Variants in KYAT3 observed in about 807,000 individuals in gnomAD.
KYAT3 encodes kynurenine--oxoglutarate transaminase 3.
Under a neutral mutation model 59.0 loss-of-function variants are expected in KYAT3, and 50 were observed. The observed-to-expected ratio is 0.85, with a 90% confidence interval of 0.68 to 1.07. The LOEUF is 1.07. KYAT3 is among the 50% of genes least tolerant of loss of function. The pLI, the probability that KYAT3 is intolerant of heterozygous loss-of-function variation, is 0.00. For synonymous variants in KYAT3, 148 were observed against 177.0 expected (o/e 0.84, Z 1.30); for missense variants, 497 against 533.3 (o/e 0.93, Z 0.67).
At chr1:88,989,254 A>C (rs1025636494) in intron 1 of KYAT3, among the ~76,000 whole-genome samples, 4 of 152,228 alleles carry the variant, frequency 2.6e-5, no homozygotes, top group Non-Finnish European at 5.9e-5. Flanking sequence ...AAACGCTAAC[A>C]AATCAAACCC....
chr1:88,949,383 AAGAAGTCACTCAGGAAATAAC>A, intron 10 of KYAT3, 106 bp from the exon 11 acceptor site: 1 of 745,090 alleles, frequency 1.3e-6, no homozygotes, highest in East Asian at 3.1e-5. Flanking sequence ...ATTATTGGCA[AAGAAGTCACTCAGGAAATAAC>A]AGTTGAATTC....
intron 8 of KYAT3, among the ~76,000 whole-genome samples, chr1:88,957,180 A>C (rs1445048837): frequency 1.3e-5 from 2 of 152,240 alleles, no homozygotes; most frequent in Non-Finnish European, 2.9e-5. Context: ...GAAAAGTTAT[A>C]ATTTTATTCT....
chr1:88,963,464 A>G (rs1676227077), intron 5 of KYAT3, among the ~76,000 whole-genome samples: 1 of 152,204 alleles, frequency 6.6e-6, no homozygotes, highest in Non-Finnish European at 1.5e-5. Flanking sequence ...CAAAGCAGAT[A>G]GTGGCATCTT....
Position 88,943,337 on chromosome 1 carries a change from C to A in KYAT3, c.1215+13G>T, listed in dbSNP as rs749544835. On this transcript the variant is annotated intron_variant, in intron 12 of 13. Coordinates refer to ENST00000260508, the MANE Select transcript of KYAT3 (RefSeq NM_001008661.3). ...AAATATAACAGAATCTTGCAAAGAA[C>A]AATAAACATTACCTTATGTTTAGTC... The A allele has an allele frequency of 1.6e-5, 23 of 1,418,820 alleles. No individual in the cohort carries two copies. Among genetic ancestry groups the A allele is most frequent in the Non-Finnish European group, 3.0e-6 (3 of 1,016,292 alleles). 87.9% of individuals were successfully genotyped at this position (1,418,820 alleles called of 1,614,324 possible).
chr1:88,942,015 T>C (rs1228277820), intron 13 of KYAT3, among the ~76,000 whole-genome samples: 4 of 152,356 alleles, frequency 2.6e-5, no homozygotes, highest in African/African-American at 9.6e-5. Flanking sequence ...ATATTTTTTC[T>C]GTCATATTCT....
Position 88,964,956 on chromosome 1 carries a change from G to A in KYAT3, c.326C>T (p.Ala109Val). 1.9e-6 allele frequency: 3 copies of A among 1,602,288 alleles called. No individual in the cohort carries two copies. The highest frequency in any genetic ancestry group is 1.8e-5 in the Admixed American group (1 of 56,188). ...RGFGHPSLVK[A>V]LSYLYEKLYQ... The stretch of plus-strand genomic sequence containing the variant: ...AAGCTTTTCATACAGATAGGACAGA[G>A]CTTTCACAAGTGATGGATGGCCCTG... The change falls in exon 5 of 14, where the codon GCT becomes GTT. Residue 109 changes from alanine (A) to valine (V), a missense_variant. Physicochemically the swap from Ala to Val is moderately conservative, Grantham distance 64. This residue lies in a region of KYAT3 where 469 missense variants were observed against 479.1 expected (regional missense o/e 0.98). Transcript: ENST00000260508.
chr1:88,976,276 G>T (rs541122649), intron 2 of KYAT3, among the ~76,000 whole-genome samples: 2 of 149,860 alleles, frequency 1.3e-5, no homozygotes, highest in South Asian at 4.2e-4. Flanking sequence ...AGAATTGCTT[G>T]CACCCGGGAG....
chr1:88,982,046 G>C, intron 2 of KYAT3: 1 of 981,770 alleles, frequency 1.0e-6, no homozygotes, highest in South Asian at 4.7e-5. Flanking sequence ...AGGGGAAAGG[G>C]GAGGTTCTTG....
intron 13 of KYAT3, among the ~76,000 whole-genome samples, chr1:88,939,694 T>C (rs1183651665): frequency 6.6e-6 from 1 of 152,234 alleles, no homozygotes; most frequent in Non-Finnish European, 1.5e-5. Flanking sequence ...TTTGTTCCTT[T>C]CTACTTCCTT....
chr1:88,987,549 T>A (rs1677536718), intron 2 of KYAT3, among the ~76,000 whole-genome samples: 1 of 152,144 alleles, frequency 6.6e-6, no homozygotes, highest in Non-Finnish European at 1.5e-5. Flanking sequence ...AAAATGGAAT[T>A]TTCATACAAA....
chr1:88,968,796 C>A lies in KYAT3; in HGVS notation c.177G>T (p.Leu59Phe). 6.3e-7 allele frequency: 1 copy of A among 1,582,458 alleles called. No individual in the cohort carries two copies. Among genetic ancestry groups the A allele is most frequent in the South Asian group, 1.2e-5 (1 of 83,696 alleles). ...GATTCACAACAGAAGGGTCTGCAGC[C>A]AATTTGGTAAATTCAATCCTAAGAT... The part of the protein sequence containing the change: ...DSNVWIEFTK[L>F]AADPSVVNLG... The change falls in exon 4 of 14, where the codon TTG becomes TTT. Residue 59 changes from leucine (L) to phenylalanine (F), a missense_variant. Coordinates refer to ENST00000260508, the MANE Select transcript of KYAT3 (RefSeq NM_001008661.3).
the KYAT3 span, among the ~76,000 whole-genome samples, chr1:88,923,076 C>T: frequency 2.0e-5 from 3 of 152,186 alleles, no homozygotes; most frequent in African/African-American, 7.2e-5. Context: ...CTGTATCAAG[C>T]TGTAACTGAA....
intron 10 of KYAT3, 140 bp downstream of exon 10, chr1:88,952,923 G>C: frequency 1.7e-6 from 1 of 573,212 alleles, no homozygotes. Context: ...ATATGTATCT[G>C]CTCCCCAAAT....
At chr1:88,990,770 C>T (rs996557072) in intron 1 of KYAT3, among the ~76,000 whole-genome samples, 2 of 152,152 alleles carry the variant, frequency 1.3e-5, no homozygotes, top group African/African-American at 4.8e-5. Context: ...AAAATGCAGA[C>T]TCAGAACCTT....
Position 88,961,017 on chromosome 1 carries a change from T to C in KYAT3, c.787+150A>G, listed in dbSNP as rs536837349. The C allele has an allele frequency of 8.9e-6, 6 of 675,352 alleles. No individual in the cohort carries two copies. In the South Asian group the frequency reaches 9.4e-5, roughly 11 times the overall value. The allele number at this position is 675,352 out of a possible 1,614,324, so 41.8% of individuals were successfully genotyped here. On this transcript the variant is annotated intron_variant, in intron 8 of 13. Coordinates refer to ENST00000260508, the MANE Select transcript of KYAT3 (RefSeq NM_001008661.3). ...AACTATTCATCAATTCACTAAAGTA[T>C]TGCTCATTTAAATACTATTTTAAAG...
intron 5 of KYAT3, among the ~76,000 whole-genome samples, chr1:88,964,319 G>A (rs1434966079): frequency 6.6e-6 from 1 of 152,216 alleles, no homozygotes; most frequent in African/African-American, 2.4e-5. Context: ...GGTTATTTTA[G>A]CAATGAAAAC....
At chr1:88,982,791 T>C in intron 2 of KYAT3, 2 of 1,613,990 alleles carry the variant, frequency 1.2e-6, no homozygotes, top group South Asian at 1.1e-5. Flanking sequence ...GGAAGCCCTC[T>C]TTCTTGTCTG....
At chr1:88,972,917 C>T (rs79413112) in intron 2 of KYAT3, among the ~76,000 whole-genome samples, 4,788 of 152,238 alleles carry the variant, frequency 0.031, 123 homozygotes, top group South Asian at 0.05. Context: ...ATGGGTTGGA[C>T]CATGCCCCCC....
intron 2 of KYAT3, among the ~76,000 whole-genome samples, chr1:88,974,469 CTTTTTTTTTTTTTTT>C (rs71084932): frequency 2.9e-5 from 2 of 69,660 alleles, no homozygotes; most frequent in Non-Finnish European, 5.1e-5. Flanking sequence ...GTGTCTCTCT[CTTTTTTTTTTTTTTT>C]TTTTTTTTTG....
Sources: allele counts gnomAD v4.1 joint callset (sites outside exome capture counted in the v4.1 genomes callset), GRCh38; gene constraint gnomAD v4.1.1; regional missense constraint gnomAD v4.1.1; transcripts MANE v1.5; gene names NCBI Gene and HGNC (gene_info 2026-07-23, HGNC 2026-07-21).